The following NALCN variants were observed in gnomAD, a reference collection of about 807,000 sequenced individuals.
The protein encoded by NALCN is sodium leak channel, non-selective, also known as sodium leak channel NALCN.
Under a neutral mutation model 225.3 loss-of-function variants are expected in NALCN, and 111 were observed. That is an observed-to-expected ratio of 0.49 (90% CI 0.42 to 0.58). The LOEUF is 0.58. Among genes scored for constraint, NALCN ranks in the 20% least tolerant of loss-of-function variants. The probability of loss-of-function intolerance (pLI) is 0.00; values close to 1 mark genes in which losing one functional copy is unlikely to be tolerated. For missense variants in NALCN, 1,378 were observed against 2,202.4 expected (o/e 0.63, Z 7.49); for synonymous variants, 764 against 769.0 (o/e 0.99, Z 0.11).
At chr13:101,119,150 A>T (rs1344108547) in intron 18 of NALCN, among the ~76,000 whole-genome samples, 1 of 152,210 alleles carries the variant, frequency 6.6e-6, no homozygotes, top group Non-Finnish European at 1.5e-5. Flanking sequence ...CAGGAAAAAA[A>T]ATCCAGCTAA....
At chr13:101,399,232 C>T in intron 1 of NALCN, 67 bp from the exon 2 acceptor site, 4 of 1,101,022 alleles carry the variant, frequency 3.6e-6, no homozygotes, top group Non-Finnish European at 5.3e-6. Flanking sequence ...TTGAGTTCCC[C>T]ACATATATCT....
At chr13:101,398,926 A>G in intron 2 of NALCN, 93 bp downstream of exon 2, 2 of 774,082 alleles carry the variant, frequency 2.6e-6, no homozygotes, top group Non-Finnish European at 4.5e-6. Context: ...CAGCTCAGAT[A>G]TTTCGAAGCC....
intron 11 of NALCN, among the ~76,000 whole-genome samples, chr13:101,245,742 A>C (rs57581762): frequency 0.012 from 1,888 of 152,298 alleles, 44 homozygotes; most frequent in African/African-American, 0.044. Flanking sequence ...AATTGAAAGA[A>C]AAACCCTAAC....
chr13:101,066,522 A>G (rs2032405394), intron 39 of NALCN, among the ~76,000 whole-genome samples: 1 of 151,606 alleles, frequency 6.6e-6, no homozygotes, highest in Non-Finnish European at 1.5e-5. Context: ...TGGGCGGAAC[A>G]CTGGCGACCA....
chr13:101,075,851 A>G (rs771106741), intron 35 of NALCN, 22 bp downstream of exon 35: 4 of 1,584,850 alleles, frequency 2.5e-6, no homozygotes, highest in Non-Finnish European at 3.4e-6. Flanking sequence ...CTTTAAGATA[A>G]GATTCTTAAC....
At chr13:101,373,439 T>C (rs1481305863) in intron 6 of NALCN, among the ~76,000 whole-genome samples, 22 of 152,148 alleles carry the variant, frequency 1.4e-4, no homozygotes, top group Admixed American at 1.3e-3. Context: ...TCTTCCAATG[T>C]ATAAAGAGGA....
intron 6 of NALCN, among the ~76,000 whole-genome samples, chr13:101,361,480 T>C (rs1371472326): frequency 1.3e-5 from 2 of 152,194 alleles, no homozygotes; most frequent in African/African-American, 4.8e-5. Flanking sequence ...AAAGGAAAAC[T>C]AAATATTTTA....
chr13:101,118,638 A>G (rs2035828660), intron 18 of NALCN, among the ~76,000 whole-genome samples: 1 of 152,196 alleles, frequency 6.6e-6, no homozygotes, highest in African/African-American at 2.4e-5. Flanking sequence ...AAATCTTAAG[A>G]AAAAGCCAAC....
chr13:101,060,354 C>T (rs1462879167), intron 41 of NALCN, among the ~76,000 whole-genome samples: 1 of 128,476 alleles, frequency 7.8e-6, no homozygotes, highest in Non-Finnish European at 1.6e-5. Flanking sequence ...TTATAGCTCA[C>T]TGTAACCTTA....
At chr13:101,373,536 T>A (rs61973706) in intron 6 of NALCN, among the ~76,000 whole-genome samples, 35,428 of 152,052 alleles carry the variant, frequency 0.23, 4,317 homozygotes, top group African/African-American at 0.27. Flanking sequence ...TTACATTAAC[T>A]GAACAAAACG....
intron 11 of NALCN, among the ~76,000 whole-genome samples, chr13:101,242,352 G>A (rs146731555): frequency 0.015 from 1,535 of 104,252 alleles, 514 homozygotes; most frequent in South Asian, 0.055. Context: ...CATTAATTTG[G>A]ACGCTCGACT....
intron 36 of NALCN, 65 bp from the exon 37 acceptor site, chr13:101,073,742 G>T (rs748808319): frequency 3.6e-6 from 5 of 1,389,326 alleles, no homozygotes; most frequent in Non-Finnish European, 5.0e-6. Flanking sequence ...AAATAGCATG[G>T]TTTGCCAACA....
chr13:101,083,987 A>C (rs1466274056), intron 30 of NALCN, among the ~76,000 whole-genome samples, 183 bp from the exon 31 acceptor site: 2 of 152,194 alleles, frequency 1.3e-5, no homozygotes, highest in African/African-American at 4.8e-5. Context: ...AGGAGTTCCC[A>C]AAATGATGAC....
intron 40 of NALCN, among the ~76,000 whole-genome samples, chr13:101,064,751 C>A (rs765142588): frequency 1.3e-5 from 2 of 152,138 alleles, no homozygotes; most frequent in African/African-American, 2.4e-5. Flanking sequence ...CCATCTCGGG[C>A]TTCCAGCATC....
chr13:101,357,461 G>C (rs138452316), intron 6 of NALCN, among the ~76,000 whole-genome samples: 1,676 of 152,104 alleles, frequency 0.011, 32 homozygotes, highest in African/African-American at 0.038. Context: ...AAAATACTTA[G>C]GAATACAACT....
rs188201277 is a variant in NALCN at position 101,109,402 on chromosome 13, C to G, written c.2364+1217G>C. Among the ~76,000 whole-genome samples, 11 of 152,166 alleles carry G rather than the reference C, an allele frequency of 7.2e-5. 1 individual carries two copies. The highest frequency in any genetic ancestry group is 3.4e-3 in the Middle Eastern group (1 of 294). On this transcript the variant is annotated intron_variant, in intron 20 of 43. Coordinates refer to ENST00000251127, the MANE Select transcript of NALCN (RefSeq NM_052867.4). ...CCAACTTCTCGCTCTTGATTTTGCC[C>G]GGAACACTTAATAAAAACCATGTAC...
At chr13:101,076,970 G>T in intron 34 of NALCN, among the ~76,000 whole-genome samples, 1 of 152,144 alleles carries the variant, frequency 6.6e-6, no homozygotes, top group East Asian at 1.9e-4. Flanking sequence ...ATGTATCCTG[G>T]GAGGGACCAG....
chr13:101,382,500 T>C (rs1472497354), intron 3 of NALCN, among the ~76,000 whole-genome samples: 1 of 152,094 alleles, frequency 6.6e-6, no homozygotes, highest in Non-Finnish European at 1.5e-5. Flanking sequence ...AATTTAAAAA[T>C]TGGGGCCTCA....
chr13:101,182,342 G>C (rs984054418), intron 14 of NALCN, among the ~76,000 whole-genome samples: 1 of 152,084 alleles, frequency 6.6e-6, no homozygotes, highest in Admixed American at 6.6e-5. Context: ...ACTCCTAAAG[G>C]AAGAGCTTTG....
Sources: allele counts gnomAD v4.1 joint callset (sites outside exome capture counted in the v4.1 genomes callset), GRCh38; gene constraint gnomAD v4.1.1; transcripts MANE v1.5; gene names NCBI Gene and HGNC (gene_info 2026-07-23, HGNC 2026-07-21).